SNTG1: variants seen among roughly 807,000 people sequenced by gnomAD.
SNTG1 encodes gamma-1-syntrophin.
Under a neutral mutation model 74.7 loss-of-function variants are expected in SNTG1, and 39 were observed. That is an observed-to-expected ratio of 0.52 (90% CI 0.40 to 0.68). SNTG1 has a LOEUF of 0.68. Ranked by LOEUF, SNTG1 falls within the 30% of genes least tolerant of loss-of-function variation. SNTG1 has a pLI of 0.00. For synonymous variants in SNTG1, 254 were observed against 217.1 expected (o/e 1.17, Z -1.49); for missense variants, 685 against 609.5 (o/e 1.12, Z -1.30).
intron 16 of SNTG1, chr8:50,708,282 A>T (rs1239880119): frequency 6.5e-6 from 1 of 153,584 alleles, no homozygotes; most frequent in African/African-American, 2.4e-5. Flanking sequence ...ATTTTTAAAG[A>T]ATTATCTGTA....
At chr8:49,991,192 G>T (rs1249509014) in intron 1 of SNTG1, among the ~76,000 whole-genome samples, 8 of 152,086 alleles carry the variant, frequency 5.3e-5, no homozygotes, top group African/African-American at 9.7e-5. Flanking sequence ...TGAAAAAGAT[G>T]ATCAACATCT....
At chr8:50,655,509 T>C (rs1585975895) in intron 13 of SNTG1, among the ~76,000 whole-genome samples, 1 of 152,348 alleles carries the variant, frequency 6.6e-6, no homozygotes, top group East Asian at 1.9e-4. Flanking sequence ...GGCATCTTGG[T>C]TCAAATTCCA....
intron 9 of SNTG1, among the ~76,000 whole-genome samples, chr8:50,516,357 T>G (rs898614917): frequency 2.6e-5 from 4 of 152,166 alleles, no homozygotes; most frequent in East Asian, 1.9e-4. Context: ...ACACAAAGTC[T>G]GAAAATTCCA....
intron 11 of SNTG1, among the ~76,000 whole-genome samples, chr8:50,551,685 C>T (rs1465879907): frequency 6.6e-6 from 1 of 152,136 alleles, no homozygotes; most frequent in African/African-American, 2.4e-5. Flanking sequence ...AATGTGTATG[C>T]TGTCACAAAT....
intron 1 of SNTG1, among the ~76,000 whole-genome samples, chr8:50,038,835 T>C (rs536547176): frequency 6.6e-6 from 1 of 152,308 alleles, no homozygotes; most frequent in Non-Finnish European, 1.5e-5. Flanking sequence ...CTATGGACTC[T>C]TGGTTTGGCT....
At chr8:50,175,550 G>T (rs1415325439) in intron 2 of SNTG1, among the ~76,000 whole-genome samples, 1 of 152,186 alleles carries the variant, frequency 6.6e-6, no homozygotes, top group Non-Finnish European at 1.5e-5. Flanking sequence ...GTAAGAGGGG[G>T]TCATTTATTC....
intron 9 of SNTG1, among the ~76,000 whole-genome samples, chr8:50,506,160 C>G (rs989605149): frequency 1.3e-5 from 2 of 152,038 alleles, no homozygotes; most frequent in African/African-American, 2.4e-5. Context: ...AATTTCATCA[C>G]ATATTGAGGG....
At chr8:50,064,912 A>G (rs1820778888) in intron 1 of SNTG1, among the ~76,000 whole-genome samples, 1 of 152,198 alleles carries the variant, frequency 6.6e-6, no homozygotes, top group Non-Finnish European at 1.5e-5. Context: ...TAAATTTCAT[A>G]CAGTATCTTA....
At chr8:50,144,087 C>G (rs2081771138) in intron 1 of SNTG1, among the ~76,000 whole-genome samples, 1 of 152,114 alleles carries the variant, frequency 6.6e-6, no homozygotes, top group Admixed American at 6.6e-5. Flanking sequence ...ACATTCACTT[C>G]CAACATCCTG....
chr8:50,766,139 G>T (rs1396270493), intron 18 of SNTG1, among the ~76,000 whole-genome samples: 1 of 151,926 alleles, frequency 6.6e-6, no homozygotes, highest in African/African-American at 2.4e-5. Context: ...CAAGAAGCTG[G>T]TTGTCTCCAT....
chr8:50,089,999 G>C (rs2079659335), intron 1 of SNTG1, among the ~76,000 whole-genome samples: 3 of 152,196 alleles, frequency 2.0e-5, no homozygotes, highest in African/African-American at 7.2e-5. Flanking sequence ...ATTTATTTTA[G>C]AAGAGAAAAT....
rs570124258 is a variant in SNTG1, at chr8:50,142,250, A to G, written c.-102-30311A>G. Among the ~76,000 whole-genome samples, 391 of 152,198 alleles carry G rather than the reference A, an allele frequency of 2.6e-3. 1 individual carries two copies. The highest frequency in any genetic ancestry group is 8.8e-3 in the African/African-American group (367 of 41,572). On this transcript the variant is annotated intron_variant, in intron 1 of 18. Transcript: ENST00000642720. Reference sequence around the variant, plus strand: ...GCATTTTACAAGATCTGGGAACACAAGAATGAATTCCTCTGTGTGTTTTCT... The same window carrying G: ...GCATTTTACAAGATCTGGGAACACAGGAATGAATTCCTCTGTGTGTTTTCT...
At chr8:50,419,496 G>A (rs2093054864) in intron 4 of SNTG1, among the ~76,000 whole-genome samples, 1 of 152,126 alleles carries the variant, frequency 6.6e-6, no homozygotes, top group Non-Finnish European at 1.5e-5. Context: ...AAGATTATCT[G>A]GTTGTCTGAA....
intron 2 of SNTG1, among the ~76,000 whole-genome samples, chr8:50,258,271 A>C (rs1586867838): frequency 1.3e-5 from 2 of 152,228 alleles, no homozygotes; most frequent in Admixed American, 6.5e-5. Context: ...TAACACTATG[A>C]AATGTGAGAG....
intron 1 of SNTG1, among the ~76,000 whole-genome samples, chr8:49,929,295 T>A (rs1274920728): frequency 1.3e-5 from 2 of 152,150 alleles, no homozygotes; most frequent in Non-Finnish European, 2.9e-5. Flanking sequence ...CCTGAGGACA[T>A]GATAAAGGCC....
intron 2 of SNTG1, among the ~76,000 whole-genome samples, chr8:50,210,926 G>T (rs1170915151): frequency 2.6e-5 from 4 of 152,078 alleles, no homozygotes; most frequent in African/African-American, 9.7e-5. Flanking sequence ...TTTTCTCTTA[G>T]CTAAGTCATG....
At chr8:50,558,940 A>G (rs2094471818) in intron 12 of SNTG1, among the ~76,000 whole-genome samples, 1 of 152,188 alleles carries the variant, frequency 6.6e-6, no homozygotes. Flanking sequence ...GATGTGTCAG[A>G]TACTGTGTTC....
At position 50,168,819 on chromosome 8, in the gene SNTG1, G is replaced by A. The variant is rs146786387; in HGVS notation, c.-102-3742G>A. On this transcript the variant is annotated intron_variant, in intron 1 of 18. Coordinates refer to ENST00000642720, the MANE Select transcript of SNTG1 (RefSeq NM_018967.5). ...AGGAAGTTGCAAAGAAATCTACAGAGAGATCCAGTGTACACTTCACCCAAC... is the reference window on the plus strand; with the variant it reads ...AGGAAGTTGCAAAGAAATCTACAGAAAGATCCAGTGTACACTTCACCCAAC... Among the ~76,000 whole-genome samples the A allele has an allele frequency of 8.9e-3, 1,361 of 152,226 alleles. 24 individuals carry two copies. Among genetic ancestry groups the A allele is most frequent in the African/African-American group, 0.031 (1,308 of 41,544 alleles).
chr8:50,672,416 G>A (rs1427641994), intron 15 of SNTG1, among the ~76,000 whole-genome samples: 2 of 151,996 alleles, frequency 1.3e-5, no homozygotes, highest in East Asian at 3.9e-4. Flanking sequence ...GGTTAGATTT[G>A]CATTTCTGTA....
Sources: allele counts gnomAD v4.1 joint callset (sites outside exome capture counted in the v4.1 genomes callset), GRCh38; gene constraint gnomAD v4.1.1; transcripts MANE v1.5; gene names NCBI Gene and HGNC (gene_info 2026-07-23, HGNC 2026-07-21).